PLXNC1: variants seen among roughly 807,000 people sequenced by gnomAD.
The protein encoded by PLXNC1 is plexin C1.
In PLXNC1, 75 loss-of-function variants were observed where a neutral mutation model predicts 178.2. The ratio of observed to expected loss-of-function variants is 0.42; its 90% CI spans 0.35 to 0.51. The LOEUF (loss-of-function observed/expected upper bound fraction) is 0.51, where lower values mean the gene tolerates loss of function less well. Among genes scored for constraint, PLXNC1 ranks in the 20% least tolerant of loss-of-function variants. PLXNC1 has a pLI of 0.02. For missense variants in PLXNC1, 1,503 were observed against 1,984.4 expected (o/e 0.76, Z 4.61); for synonymous variants, 790 against 779.9 (o/e 1.01, Z -0.22).
At chr12:94,237,560 A>G (rs1964275008) in intron 9 of PLXNC1, 104 bp from the exon 10 acceptor site, 1 of 927,654 alleles carries the variant, frequency 1.1e-6, no homozygotes, top group Admixed American at 2.5e-5. Context: ...AAAATGTTGT[A>G]ATTTCCCAGT....
chr12:94,304,529 A>G (rs898119072), intron 30 of PLXNC1, among the ~76,000 whole-genome samples: 1 of 152,136 alleles, frequency 6.6e-6, no homozygotes, highest in Non-Finnish European at 1.5e-5. Flanking sequence ...TTCTTTGGAA[A>G]TTCAAACAGA....
intron 10 of PLXNC1, among the ~76,000 whole-genome samples, chr12:94,238,863 C>T (rs1964307769): frequency 6.6e-6 from 1 of 152,140 alleles, no homozygotes; most frequent in Non-Finnish European, 1.5e-5. Flanking sequence ...CTGTGTTCTG[C>T]TATTTGCCAG....
chr12:94,249,928 T>TGTTGGGGGG (rs879785177), intron 14 of PLXNC1, among the ~76,000 whole-genome samples: 1 of 81,620 alleles, frequency 1.2e-5, no homozygotes, highest in Non-Finnish European at 2.3e-5. Flanking sequence ...AAAGCACCAG[T>TGTTGGGGGG]GTGGGGGGGT....
At chr12:94,159,062 TAGA>T (rs1316961497) in intron 1 of PLXNC1, among the ~76,000 whole-genome samples, 1 of 152,194 alleles carries the variant, frequency 6.6e-6, no homozygotes, top group East Asian at 1.9e-4. Flanking sequence ...AGCACCTTAT[TAGA>T]AGGACTATCA....
rs1213176513 is a variant in PLXNC1 at position 94,248,116 on chromosome 12, T to C, written c.2592+10T>C. On this transcript the variant is annotated intron_variant, in intron 13 of 30. Coordinates refer to ENST00000258526, the MANE Select transcript of PLXNC1 (RefSeq NM_005761.3). The stretch of plus-strand genomic sequence containing the variant: ...GGAAGTGAAAATTCAAGTATGTTTC[T>C]TTTCTTTCTGGGTGGGATGTCACCC... 1 of 1,613,632 alleles carries C rather than the reference T, an allele frequency of 6.2e-7. No individual in the cohort carries two copies. Among genetic ancestry groups the C allele is most frequent in the Non-Finnish European group, 8.5e-7 (1 of 1,179,632 alleles).
chr12:94,170,397 C>T (rs1160032593), intron 2 of PLXNC1, among the ~76,000 whole-genome samples: 1 of 152,198 alleles, frequency 6.6e-6, no homozygotes, highest in African/African-American at 2.4e-5. Context: ...CAAATATGAT[C>T]CTGTTTCCAC....
chr12:94,150,549 A>G (rs1007635223), intron 1 of PLXNC1, among the ~76,000 whole-genome samples: 1 of 152,066 alleles, frequency 6.6e-6, no homozygotes. Flanking sequence ...TCCGCCCCCC[A>G]CCGGCAACGC....
At chr12:94,150,649 C>G (rs1960925896) in intron 1 of PLXNC1, among the ~76,000 whole-genome samples, 1 of 152,218 alleles carries the variant, frequency 6.6e-6, no homozygotes. Context: ...GAACCCCTGG[C>G]GTGAGCCGGT....
chr12:94,198,261 C>T (rs887909626), intron 4 of PLXNC1, among the ~76,000 whole-genome samples: 2 of 152,138 alleles, frequency 1.3e-5, no homozygotes, highest in African/African-American at 4.8e-5. Context: ...AAGCCATTAT[C>T]CTCAGCAAAC....
chr12:94,223,393 G>A (rs1963848835), intron 6 of PLXNC1, among the ~76,000 whole-genome samples: 1 of 152,188 alleles, frequency 6.6e-6, no homozygotes, highest in Non-Finnish European at 1.5e-5. Context: ...CTGTGTTGTG[G>A]CCCCAAACCT....
chr12:94,177,122 T>C (rs1357284125), intron 2 of PLXNC1, among the ~76,000 whole-genome samples: 1 of 89,996 alleles, frequency 1.1e-5, no homozygotes, highest in Non-Finnish European at 2.4e-5. Context: ...TATATATGTG[T>C]GTGTGTGTAT....
chr12:94,268,758 C>T (rs1022234588), intron 21 of PLXNC1, among the ~76,000 whole-genome samples: 1 of 151,854 alleles, frequency 6.6e-6, no homozygotes, highest in African/African-American at 2.4e-5. Context: ...TCATGCCAGG[C>T]TAATGCTTGT....
At chr12:94,277,002 G>A (rs1356765155) in intron 21 of PLXNC1, 2 of 152,166 alleles carry the variant, frequency 1.3e-5, no homozygotes, top group Non-Finnish European at 2.9e-5. Flanking sequence ...ATTTACTCTT[G>A]CGTAATTATC....
chr12:94,187,732 A>T (rs1468169112), intron 4 of PLXNC1, among the ~76,000 whole-genome samples: 1 of 152,218 alleles, frequency 6.6e-6, no homozygotes, highest in African/African-American at 2.4e-5. Flanking sequence ...AATGGTGGCG[A>T]TGATGGTGGT....
At chr12:94,262,737 G>A in intron 20 of PLXNC1, 2 of 985,474 alleles carry the variant, frequency 2.0e-6, no homozygotes, top group Non-Finnish European at 2.4e-6. Flanking sequence ...GACGTTTAGT[G>A]GGTGACAGTA....
intron 1 of PLXNC1, among the ~76,000 whole-genome samples, chr12:94,165,163 G>A (rs967590043): frequency 2.0e-5 from 3 of 152,054 alleles, no homozygotes; most frequent in African/African-American, 7.2e-5. Flanking sequence ...AAATAGGCCC[G>A]AAAAAAAGAG....
At chr12:94,162,778 A>G (rs1450560548) in intron 1 of PLXNC1, among the ~76,000 whole-genome samples, 3 of 152,192 alleles carry the variant, frequency 2.0e-5, no homozygotes, top group Non-Finnish European at 4.4e-5. Context: ...GGGTAGCAGG[A>G]CCAGAGGGAA....
rs998933788 is a variant in PLXNC1 at position 94,262,481 on chromosome 12, A to G, written c.3450+1641A>G. On this transcript the variant is annotated intron_variant, in intron 20 of 30. Coordinates refer to ENST00000258526, the MANE Select transcript of PLXNC1 (RefSeq NM_005761.3). ...TTCAGAAAATCTGGGCTGCGAGCCC[A>G]AACAGCCTCCTTGAGCAAAGCATTC... is the stretch of plus-strand genomic sequence containing the variant. The G allele has an allele frequency of 4.4e-5, 43 of 985,514 alleles. No individual in the cohort carries two copies. In the African/African-American group the frequency reaches 7.3e-4, roughly 17 times the overall value. The allele number at this position is 985,514 out of a possible 1,614,324, so 61.0% of individuals were successfully genotyped here. A position where few individuals can be genotyped will look rare whatever the true frequency, so the allele number is the denominator to read the frequency against.
At chr12:94,163,633 G>A (rs966592562) in intron 1 of PLXNC1, among the ~76,000 whole-genome samples, 6 of 152,000 alleles carry the variant, frequency 3.9e-5, no homozygotes, top group African/African-American at 1.2e-4. Context: ...GTAGAAGGAG[G>A]TGAAATACAA....
Sources: allele counts gnomAD v4.1 joint callset (sites outside exome capture counted in the v4.1 genomes callset), GRCh38; gene constraint gnomAD v4.1.1; transcripts MANE v1.5; gene names NCBI Gene and HGNC (gene_info 2026-07-23, HGNC 2026-07-21).